HECW1: variants seen among roughly 807,000 people sequenced by gnomAD.
HECW1 encodes HECT, C2 and WW domain containing E3 ubiquitin protein ligase 1.
In HECW1, 61 loss-of-function variants were observed where a neutral mutation model predicts 182.3. The ratio of observed to expected loss-of-function variants is 0.33; its 90% confidence interval spans 0.27 to 0.41. The LOEUF (loss-of-function observed/expected upper bound fraction) is 0.41. Among genes scored for constraint, HECW1 ranks in the 10% least tolerant of loss-of-function variants. The pLI is 1.00. For missense variants in HECW1, 1,739 were observed against 2,108.9 expected, an observed-to-expected ratio of 0.82 and a Z score of 3.44; for synonymous variants, 859 against 832.6, an observed-to-expected ratio of 1.03 and a Z score of -0.55.
chr7:43,175,744 C>T (rs77285250), intron 2 of HECW1, among the ~76,000 whole-genome samples: 1,620 of 152,290 alleles, frequency 0.011, 32 homozygotes, highest in African/African-American at 0.037. Flanking sequence ...CATGAACGCA[C>T]GGAGCTAACG....
intron 3 of HECW1, among the ~76,000 whole-genome samples, chr7:43,276,592 C>T (rs1283735120): frequency 6.6e-6 from 1 of 152,120 alleles, no homozygotes; most frequent in East Asian, 1.9e-4. Context: ...ATAAATTATG[C>T]CTAATCCTGA....
intron 2 of HECW1, among the ~76,000 whole-genome samples, chr7:43,131,595 C>T (rs1194535096): frequency 2.6e-5 from 4 of 152,186 alleles, no homozygotes; most frequent in African/African-American, 9.6e-5. Flanking sequence ...TCAAAAGGTA[C>T]ACTGGGGTTT....
At chr7:43,190,454 T>C (rs1465082387) in intron 2 of HECW1, among the ~76,000 whole-genome samples, 4 of 152,186 alleles carry the variant, frequency 2.6e-5, no homozygotes, top group East Asian at 3.9e-4. Flanking sequence ...GGAGGGATAA[T>C]GTATTTCTTC....
chr7:43,430,145 C>G (rs1015291071), intron 8 of HECW1, among the ~76,000 whole-genome samples: 1 of 152,214 alleles, frequency 6.6e-6, no homozygotes, highest in Non-Finnish European at 1.5e-5. Context: ...AGACTGGAGT[C>G]ATTTTTTCTC....
rs149646364 is a variant in HECW1, at chr7:43,254,588, C to T, written c.27+10656C>T. On this transcript the variant is annotated intron_variant, in intron 3 of 29. Transcript: ENST00000395891. ...AAGTCAATATACAATCTGCTGACAC[C>T]ATACTAGCAGGAACCTCAACAAAAG... 2.9e-3 allele frequency among the ~76,000 whole-genome samples: 441 copies of T among 152,224 alleles called. 9 individuals carry two copies. The South Asian group carries it at 0.045, about 15-fold the overall frequency.
At chr7:43,222,319 A>G (rs1002838769) in intron 2 of HECW1, among the ~76,000 whole-genome samples, 2 of 152,178 alleles carry the variant, frequency 1.3e-5, no homozygotes, top group Non-Finnish European at 2.9e-5. Context: ...TTTCCTTCCA[A>G]TAAAATCTGG....
At chr7:43,323,317 C>T (rs1443720687) in intron 5 of HECW1, among the ~76,000 whole-genome samples, 1 of 152,066 alleles carries the variant, frequency 6.6e-6, no homozygotes, top group Admixed American at 6.6e-5. Flanking sequence ...CATTATAGGC[C>T]GGGCAAGGTA....
chr7:43,442,768 G>A (rs1341736877), intron 10 of HECW1, 139 bp downstream of exon 10: 2 of 641,830 alleles, frequency 3.1e-6, no homozygotes, highest in African/African-American at 3.6e-5. Flanking sequence ...AGGTCCAGAA[G>A]CCAGTGATCT....
chr7:43,299,549 G>T (rs561226387), intron 3 of HECW1, among the ~76,000 whole-genome samples: 1 of 152,218 alleles, frequency 6.6e-6, no homozygotes, highest in Non-Finnish European at 1.5e-5. Context: ...AAAAAAAAAA[G>T]TTTCCAAACT....
intron 2 of HECW1, among the ~76,000 whole-genome samples, chr7:43,140,557 T>A (rs928354790): frequency 6.6e-6 from 1 of 152,216 alleles, no homozygotes; most frequent in African/African-American, 2.4e-5. Context: ...TTATCTTCTT[T>A]TGTTACTTTT....
At chr7:43,393,200 C>T (rs1467106730) in intron 6 of HECW1, among the ~76,000 whole-genome samples, 1 of 152,062 alleles carries the variant, frequency 6.6e-6, no homozygotes, top group Non-Finnish European at 1.5e-5. Context: ...GGCAACAGGA[C>T]CCAGCACCAA....
chr7:43,469,771 C>T lies in HECW1; in HGVS notation c.3099+666C>T, dbSNP rs972207488. 3.3e-5 allele frequency among the ~76,000 whole-genome samples: 5 copies of T among 152,246 alleles called. No homozygotes were observed. In the South Asian group the frequency reaches 1.0e-3, roughly 31 times the overall value. ...TCAAAGGACAGGCCAAGTACTAGAA[C>T]TGAACCTGTGTAACCTTCTATGAAC... On this transcript the variant is annotated intron_variant, in intron 16 of 29. Transcript: ENST00000395891.
At chr7:43,125,707 G>A (rs1268670462) in intron 2 of HECW1, among the ~76,000 whole-genome samples, 6 of 143,418 alleles carry the variant, frequency 4.2e-5, no homozygotes, top group Non-Finnish European at 6.0e-5. Context: ...GCAGTGAGCC[G>A]AGATCGTGCC....
rs66910107 is a variant in HECW1 at position 43,374,773 on chromosome 7, C to CAA, written c.555+13819_555+13820dup. On this transcript the variant is annotated intron_variant, in intron 6 of 29. Coordinates refer to ENST00000395891, the MANE Select transcript of HECW1 (RefSeq NM_015052.5). ...TGGGCGACAGAGCTAGACTCCGTCTCAAAAAAAAAAAAAAAAAAAAAAAAA... is the reference window on the plus strand; with the variant it reads ...TGGGCGACAGAGCTAGACTCCGTCTCAAAAAAAAAAAAAAAAAAAAAAAAAAA... Among the ~76,000 whole-genome samples the CAA allele has an allele frequency of 2.1e-3, 30 of 14,490 alleles. 4 individuals carry two copies. The highest frequency in any genetic ancestry group is 6.4e-3 in the East Asian group (1 of 156). 9.5% of individuals were successfully genotyped at this position (14,490 alleles called of 152,430 possible). A position where few individuals can be genotyped will look rare whatever the true frequency, so the allele number is the denominator to read the frequency against.
At chr7:43,493,264 C>G in intron 19 of HECW1, 84 bp downstream of exon 19, 1 of 827,566 alleles carries the variant, frequency 1.2e-6, no homozygotes, top group Non-Finnish European at 2.0e-6. Flanking sequence ...GGAGACAGAG[C>G]GGAAGCTTAT....
chr7:43,213,474 C>T (rs1192890026), intron 2 of HECW1, among the ~76,000 whole-genome samples: 1 of 123,680 alleles, frequency 8.1e-6, no homozygotes, highest in Non-Finnish European at 1.6e-5. Flanking sequence ...GAGACGGAGT[C>T]TCGCTCTGTC....
At chr7:43,318,183 C>T (rs1809581076) in intron 4 of HECW1, among the ~76,000 whole-genome samples, 1 of 152,092 alleles carries the variant, frequency 6.6e-6, no homozygotes, top group Admixed American at 6.5e-5. Context: ...AGGGAATATC[C>T]CAGTGATCAG....
chr7:43,162,752 C>A (rs7795607), intron 2 of HECW1, among the ~76,000 whole-genome samples: 3 of 151,986 alleles, frequency 2.0e-5, no homozygotes, highest in Non-Finnish European at 4.4e-5. Flanking sequence ...GTAGTGGTCC[C>A]TATAAACAAA....
rs2082298551 is a variant in HECW1 at position 43,565,088 on chromosome 7, A to C, written c.*3162A>C. The C allele has an allele frequency of 5.1e-6, 1 of 194,864 alleles. No homozygotes were observed. The highest frequency in any genetic ancestry group is 1.1e-5 in the Non-Finnish European group (1 of 93,832). 12.1% of individuals were successfully genotyped at this position (194,864 alleles called of 1,614,324 possible). A position where few individuals can be genotyped will look rare whatever the true frequency, so the allele number is the denominator to read the frequency against. On this transcript the variant is annotated 3_prime_UTR_variant, in exon 30 of 30. Transcript: ENST00000395891. ...TTAAAATTCTATAAAGTGTTATAATAATTTCATGGATATCACAAATGTTTT... is the reference window on the plus strand; with the variant it reads ...TTAAAATTCTATAAAGTGTTATAATCATTTCATGGATATCACAAATGTTTT...
Sources: allele counts gnomAD v4.1 joint callset (sites outside exome capture counted in the v4.1 genomes callset), GRCh38; gene constraint gnomAD v4.1.1; transcripts MANE v1.5; gene names NCBI Gene and HGNC (gene_info 2026-07-23, HGNC 2026-07-21).